Variants in PEX7 observed in about 807,000 individuals in gnomAD.
PEX7 encodes peroxisomal biogenesis factor 7, also known as PTS2 receptor.
In PEX7, 34 loss-of-function variants were observed where a neutral mutation model predicts 47.5. The observed-to-expected ratio is 0.72, with a 90% confidence interval of 0.54 to 0.95. The LOEUF (loss-of-function observed/expected upper bound fraction) is 0.95. PEX7 is among the 40% of genes least tolerant of loss of function. The probability of loss-of-function intolerance (pLI) is 0.00; values close to 1 mark genes in which losing one functional copy is unlikely to be tolerated. For missense variants in PEX7, 394 were observed against 400.3 expected (o/e 0.98, Z 0.13); for synonymous variants, 141 against 148.8 (o/e 0.95, Z 0.38).
chr6:136,912,884 A>G (rs1227729975), intron 9 of PEX7, among the ~76,000 whole-genome samples: 1 of 152,164 alleles, frequency 6.6e-6, no homozygotes, highest in Non-Finnish European at 1.5e-5. Context: ...ATGGCTCTGT[A>G]GATGTGAATG....
chr6:136,857,543 T>C (rs1159037367), intron 5 of PEX7, among the ~76,000 whole-genome samples: 2 of 152,152 alleles, frequency 1.3e-5, no homozygotes, highest in African/African-American at 4.8e-5. Flanking sequence ...TAGAAGCAGC[T>C]AGTGATGAAG....
Position 136,869,978 on chromosome 6 carries a change from AT to A in PEX7, c.723del (p.His241GlnfsTer8). 1 of 1,612,358 alleles carries A rather than the reference AT, an allele frequency of 6.2e-7. No homozygotes were observed. Among genetic ancestry groups the A allele is most frequent in the Non-Finnish European group, 8.5e-7 (1 of 1,178,370 alleles). On this transcript the variant is annotated frameshift_variant, in exon 7 of 10. Transcript: ENST00000318471. LOFTEE classifies it high-confidence loss of function. ...VRQPVFELLG[H>X]TYAIRRVKFS... ...CAACCAGTGTTTGAACTTCTTGGTC[AT>A]ACCTATGCTATTAGGAGGGTGAAAG...
At chr6:136,852,120 TTTTTATGGTTTTAGGTCTAACG>T (rs1179169021) in intron 5 of PEX7, among the ~76,000 whole-genome samples, 2 of 140,120 alleles carry the variant, frequency 1.4e-5, no homozygotes, top group African/African-American at 5.5e-5. Flanking sequence ...TCTTCTAGGG[TTTTTATGGTTTTAGGTCTAACG>T]TTTAAATCTT....
intron 8 of PEX7, among the ~76,000 whole-genome samples, chr6:136,879,051 A>T (rs1369389211): frequency 6.6e-6 from 1 of 152,142 alleles, no homozygotes; most frequent in Non-Finnish European, 1.5e-5. Flanking sequence ...TATAATAACC[A>T]GTGAACTTGT....
chr6:136,884,963 CT>C (rs1383614087), intron 8 of PEX7, among the ~76,000 whole-genome samples: 1 of 152,144 alleles, frequency 6.6e-6, no homozygotes, highest in East Asian at 1.9e-4. Flanking sequence ...AGCATATTAT[CT>C]TTTTCCTATA....
intron 5 of PEX7, among the ~76,000 whole-genome samples, chr6:136,856,490 C>G (rs919061401): frequency 6.6e-6 from 1 of 152,086 alleles, no homozygotes; most frequent in Admixed American, 6.6e-5. Context: ...AGTAGTAGCT[C>G]CAACACCTAC....
At chr6:136,874,668 CAA>C (rs770483004) in intron 8 of PEX7, among the ~76,000 whole-genome samples, 85 of 54,926 alleles carry the variant, frequency 1.5e-3, no homozygotes, top group African/African-American at 3.5e-3. Flanking sequence ...GACTTTGCCT[CAA>C]AAAAAAAAAA....
intron 3 of PEX7, among the ~76,000 whole-genome samples, chr6:136,828,977 A>G (rs1055982704): frequency 6.6e-6 from 1 of 152,188 alleles, no homozygotes; most frequent in East Asian, 1.9e-4. Flanking sequence ...GCGTACTGCT[A>G]TTCTAGTTAG....
chr6:136,906,899 C>G (rs886394678), intron 9 of PEX7, among the ~76,000 whole-genome samples: 4 of 152,120 alleles, frequency 2.6e-5, no homozygotes, highest in African/African-American at 9.7e-5. Context: ...AAGAGGAAGC[C>G]CATTAATTCC....
intron 3 of PEX7, among the ~76,000 whole-genome samples, chr6:136,833,652 A>G (rs1427279498): frequency 6.6e-6 from 1 of 152,242 alleles, no homozygotes; most frequent in Non-Finnish European, 1.5e-5. Context: ...ACAATTGATA[A>G]TAGCCATTTA....
chr6:136,881,061 T>C (rs1358549053), intron 8 of PEX7, among the ~76,000 whole-genome samples: 3 of 151,956 alleles, frequency 2.0e-5, no homozygotes, highest in Non-Finnish European at 2.9e-5. Context: ...TGGCTGGAGG[T>C]TAAGGCTGTG....
rs1774291922 is a variant in PEX7 at position 136,831,462 on chromosome 6, C to A, written c.339+4993C>A. On this transcript the variant is annotated intron_variant, in intron 3 of 9. Transcript: ENST00000318471. ...GATATAAAGCCAAACCATATCATTC[C>A]ACTCCTGGCGCCTCCCAAATTTCAT... 2.0e-5 allele frequency among the ~76,000 whole-genome samples: 3 copies of A among 152,106 alleles called. No homozygotes were observed. The South Asian group carries it at 6.2e-4, about 31-fold the overall frequency.
intron 9 of PEX7, among the ~76,000 whole-genome samples, chr6:136,904,788 C>T (rs566271021): frequency 7.0e-4 from 107 of 152,202 alleles, no homozygotes; most frequent in Non-Finnish European, 1.3e-3. Flanking sequence ...TTATCAGCAG[C>T]GTGAAAATGG....
chr6:136,894,468 T>C (rs981335846), intron 8 of PEX7, among the ~76,000 whole-genome samples: 5 of 152,168 alleles, frequency 3.3e-5, no homozygotes, highest in African/African-American at 1.2e-4. Context: ...CGTGCGCCTG[T>C]AATTCCAGCT....
chr6:136,856,151 A>G (rs1774858427), intron 5 of PEX7, among the ~76,000 whole-genome samples: 1 of 152,202 alleles, frequency 6.6e-6, no homozygotes, highest in South Asian at 2.1e-4. Context: ...GTAAGTGGGT[A>G]GTAGAAAAGT....
At chr6:136,893,361 G>C (rs1775590544) in intron 8 of PEX7, among the ~76,000 whole-genome samples, 1 of 152,116 alleles carries the variant, frequency 6.6e-6, no homozygotes, top group Non-Finnish European at 1.5e-5. Flanking sequence ...GCAATAAGCT[G>C]CTCTTCTGCT....
chr6:136,822,904 C>T, intron 1 of PEX7, 109 bp downstream of exon 1: 2 of 1,215,498 alleles, frequency 1.6e-6, no homozygotes, highest in South Asian at 3.6e-5. Flanking sequence ...GTAGACGGTT[C>T]CGCGGGTCCA....
chr6:136,899,185 A>G (rs780169391), intron 9 of PEX7, among the ~76,000 whole-genome samples: 2 of 148,458 alleles, frequency 1.3e-5, no homozygotes, highest in Non-Finnish European at 3.0e-5. Flanking sequence ...GGTTCACACA[A>G]TTCTCCCACC....
rs1775743883 is a variant in PEX7, at chr6:136,900,975, G to T, written c.903+2734G>T. ...CTCTTGTAGAGGATAACTCTTTGCTGCTGCAGCCTGACATAGTGGGGCCAT... is the reference window on the plus strand; with the variant it reads ...CTCTTGTAGAGGATAACTCTTTGCTTCTGCAGCCTGACATAGTGGGGCCAT... On this transcript the variant is annotated intron_variant, in intron 9 of 9. Coordinates refer to ENST00000318471, the MANE Select transcript of PEX7 (RefSeq NM_000288.4). This position sits in a 1 kb window ranked among gnomAD's most constrained non-coding sequence, Gnocchi z 4.2. 2 of 198,534 alleles carry T rather than the reference G, an allele frequency of 1.0e-5. No homozygotes were observed. Among genetic ancestry groups the T allele is most frequent in the Non-Finnish European group, 2.1e-5 (2 of 95,076 alleles). 12.3% of individuals were successfully genotyped at this position (198,534 alleles called of 1,614,324 possible).
Sources: gnomAD v4.1 joint callset for allele counts (sites outside exome capture counted in the v4.1 genomes callset) on GRCh38, gnomAD v4.1.1 for gene constraint, Gnocchi (gnomAD v3.1) non-coding constraint, MANE v1.5 for transcripts, NCBI Gene and HGNC (gene_info 2026-07-23, HGNC 2026-07-21) for gene names.